The following PALM2AKAP2 variants were observed in gnomAD, a reference collection of about 807,000 sequenced individuals.
PALM2AKAP2 encodes the protein PALM2 and AKAP2 fusion.
Under a neutral mutation model 71.5 loss-of-function variants are expected in PALM2AKAP2, and 37 were observed. The observed-to-expected ratio is 0.52, with a 90% CI of 0.40 to 0.68. The LOEUF is 0.68. Ranked by LOEUF, PALM2AKAP2 falls within the 30% of genes least tolerant of loss-of-function variation. The probability of loss-of-function intolerance (pLI) is 0.00; values close to 1 mark genes in which losing one functional copy is unlikely to be tolerated. For missense variants in PALM2AKAP2, 1,224 were observed against 1,191.8 expected, an observed-to-expected ratio of 1.03 and a Z score of -0.40; for synonymous variants, 468 against 478.8, an observed-to-expected ratio of 0.98 and a Z score of 0.29.
chr9:110,068,519 A>T (rs12554536), intron 1 of PALM2AKAP2, among the ~76,000 whole-genome samples: 30,759 of 94,856 alleles, frequency 0.32, 4,726 homozygotes, highest in African/African-American at 0.52. Context: ...GAGCTTTTTT[A>T]AAAAAAAAAA....
intron 3 of PALM2AKAP2, among the ~76,000 whole-genome samples, chr9:109,896,843 C>T (rs1191996786): frequency 6.6e-6 from 1 of 152,056 alleles, no homozygotes; most frequent in African/African-American, 2.4e-5. Flanking sequence ...TTTAAATGTT[C>T]GAAAGAACAT....
At chr9:109,980,535 G>C (rs769981536) in intron 6 of PALM2AKAP2, among the ~76,000 whole-genome samples, 4 of 152,178 alleles carry the variant, frequency 2.6e-5, no homozygotes, top group Non-Finnish European at 5.9e-5. Context: ...GCCTCAAGTT[G>C]TGCATGTTGG....
chr9:109,674,236 A>G (rs963921534), intron 1 of PALM2AKAP2, among the ~76,000 whole-genome samples: 1 of 151,932 alleles, frequency 6.6e-6, no homozygotes, highest in African/African-American at 2.4e-5. Flanking sequence ...CATCATATCC[A>G]TATATGCCTA....
At chr9:109,697,441 T>C (rs1163292932) in intron 1 of PALM2AKAP2, among the ~76,000 whole-genome samples, 3 of 152,208 alleles carry the variant, frequency 2.0e-5, no homozygotes, top group Non-Finnish European at 2.9e-5. Context: ...TTTTGCACTA[T>C]ATACTTTTTC....
intron 1 of PALM2AKAP2, among the ~76,000 whole-genome samples, chr9:109,771,572 G>T (rs867620042): frequency 4.5e-4 from 69 of 152,274 alleles, no homozygotes; most frequent in African/African-American, 1.6e-3. Flanking sequence ...CATAATGATG[G>T]ACAGAGTCCC....
At chr9:110,032,831 AG>A (rs1282683575) in intron 7 of PALM2AKAP2, among the ~76,000 whole-genome samples, 1 of 151,978 alleles carries the variant, frequency 6.6e-6, no homozygotes, top group East Asian at 1.9e-4. Flanking sequence ...TCAGCTACTC[AG>A]GAGACAGGTG....
chr9:109,969,250 T>C lies in PALM2AKAP2; in HGVS notation c.496+37222T>C, dbSNP rs141459067. Among the ~76,000 whole-genome samples the C allele has an allele frequency of 3.6e-4, 55 of 152,348 alleles. 1 individual carries two copies. The East Asian group carries it at 9.3e-3, about 26-fold the overall frequency. ...CTCAGCAGCTCCACAGCTGCTGGTC[T>C]GGGCCAAATAGGACAGACAGCCTGT... On this transcript the variant is annotated intron_variant, in intron 6 of 9. Coordinates refer to the PALM2AKAP2 transcript ENST00000302798.
intron 3 of PALM2AKAP2, among the ~76,000 whole-genome samples, chr9:109,904,991 G>GTGTGAA (rs1564203556): frequency 6.6e-6 from 1 of 152,126 alleles, no homozygotes; most frequent in Non-Finnish European, 1.5e-5. Flanking sequence ...TGATCCCTGC[G>GTGTGAA]TGTGAATCAT....
intron 1 of PALM2AKAP2, among the ~76,000 whole-genome samples, chr9:109,818,550 AC>A (rs1399734860): frequency 6.6e-6 from 1 of 152,238 alleles, no homozygotes; most frequent in Non-Finnish European, 1.5e-5. Context: ...AAGGTAAAAA[AC>A]ATAAAAACTT....
chr9:109,987,185 C>T (rs763100167), intron 6 of PALM2AKAP2, among the ~76,000 whole-genome samples: 2 of 152,070 alleles, frequency 1.3e-5, no homozygotes, highest in Non-Finnish European at 2.9e-5. Flanking sequence ...GGCTGGAGTA[C>T]ATTGGCATGG....
At chr9:110,012,769 T>C (rs551236974) in intron 6 of PALM2AKAP2, among the ~76,000 whole-genome samples, 5 of 152,314 alleles carry the variant, frequency 3.3e-5, no homozygotes, top group Non-Finnish European at 5.9e-5. Context: ...TATGGCCATA[T>C]AGCCTTTAAT....
intron 6 of PALM2AKAP2, among the ~76,000 whole-genome samples, chr9:109,991,674 A>G (rs1333403053): frequency 6.6e-6 from 1 of 152,230 alleles, no homozygotes; most frequent in Non-Finnish European, 1.5e-5. Flanking sequence ...ATCTCAAAGA[A>G]GAAGATATTG....
chr9:109,911,067 A>G (rs1830557380), intron 3 of PALM2AKAP2, among the ~76,000 whole-genome samples: 2 of 152,192 alleles, frequency 1.3e-5, no homozygotes, highest in African/African-American at 4.8e-5. Context: ...AGTCTGCACA[A>G]GCTCAGGTGC....
At chr9:109,913,700 T>C (rs975410878) in intron 3 of PALM2AKAP2, among the ~76,000 whole-genome samples, 11 of 151,948 alleles carry the variant, frequency 7.2e-5, no homozygotes, top group Non-Finnish European at 1.3e-4. Context: ...GGATTCCATG[T>C]GGATGCAAGG....
chr9:109,727,929 C>T (rs142881720), intron 1 of PALM2AKAP2, among the ~76,000 whole-genome samples: 96 of 152,286 alleles, frequency 6.3e-4, no homozygotes, highest in African/African-American at 2.2e-3. Flanking sequence ...TCAGAGGTAA[C>T]CCCTTTAGAT....
chr9:109,787,406 A>G (rs1433848955), intron 1 of PALM2AKAP2, among the ~76,000 whole-genome samples: 1 of 152,244 alleles, frequency 6.6e-6, no homozygotes, highest in African/African-American at 2.4e-5. Flanking sequence ...TTTGTTAGCC[A>G]CAGCATTTTT....
chr9:109,786,351 C>G (rs1826967457), intron 1 of PALM2AKAP2, among the ~76,000 whole-genome samples: 1 of 152,226 alleles, frequency 6.6e-6, no homozygotes, highest in African/African-American at 2.4e-5. Context: ...CCTGTAGAAA[C>G]AGGCACTGTG....
At chr9:109,722,277 A>G (rs1828417071) in intron 1 of PALM2AKAP2, among the ~76,000 whole-genome samples, 1 of 152,234 alleles carries the variant, frequency 6.6e-6, no homozygotes, top group Non-Finnish European at 1.5e-5. Flanking sequence ...TTGTGAAAAA[A>G]GAATACACAC....
chr9:110,024,933 T>A, intron 7 of PALM2AKAP2: 1 of 1,379,156 alleles, frequency 7.3e-7, no homozygotes, highest in African/African-American at 1.4e-5. Context: ...CTCCTTCCCA[T>A]TGGTTCTCAC....
Sources: gnomAD v4.1 joint callset for allele counts (sites outside exome capture counted in the v4.1 genomes callset) on GRCh38, gnomAD v4.1.1 for gene constraint, MANE v1.5 for transcripts, NCBI Gene and HGNC (gene_info 2026-07-23, HGNC 2026-07-21) for gene names.